Variants in ZNF804B observed in about 807,000 individuals in gnomAD.
ZNF804B encodes zinc finger protein 804B.
A neutral mutation model predicts 101.4 loss-of-function variants in ZNF804B; 80 were observed. The ratio of observed to expected loss-of-function variants is 0.79; its 90% CI spans 0.66 to 0.95. The LOEUF is 0.95. Among genes scored for constraint, ZNF804B ranks in the 40% least tolerant of loss-of-function variants. The pLI is 0.00. For missense variants in ZNF804B, 1,673 were observed against 1,561.9 expected, an observed-to-expected ratio of 1.07 and a Z score of -1.20; for synonymous variants, 622 against 558.8, an observed-to-expected ratio of 1.11 and a Z score of -1.59.
intron 2 of ZNF804B, among the ~76,000 whole-genome samples, chr7:89,267,193 A>G (rs1377661030): frequency 1.3e-5 from 2 of 152,030 alleles, no homozygotes; most frequent in Non-Finnish European, 2.9e-5. Context: ...CAAAATATGA[A>G]ATGCTTCTTT....
chr7:89,144,981 C>T (rs983430393), intron 1 of ZNF804B, among the ~76,000 whole-genome samples: 2 of 151,760 alleles, frequency 1.3e-5, no homozygotes, highest in African/African-American at 2.4e-5. Flanking sequence ...TGGTGCATTC[C>T]TGTAGTCCCA....
intron 1 of ZNF804B, among the ~76,000 whole-genome samples, chr7:88,963,090 G>A (rs1362591180): frequency 6.6e-6 from 1 of 150,682 alleles, no homozygotes; most frequent in Admixed American, 6.6e-5. Flanking sequence ...GAAGATGTTA[G>A]CACTACCCAA....
chr7:88,877,614 A>G (rs1034999808), intron 1 of ZNF804B, among the ~76,000 whole-genome samples: 5 of 152,092 alleles, frequency 3.3e-5, no homozygotes, highest in African/African-American at 1.2e-4. Context: ...CTAGTTACTT[A>G]GCTTCCCCAC....
intron 1 of ZNF804B, among the ~76,000 whole-genome samples, chr7:88,909,872 A>G (rs995725204): frequency 6.6e-5 from 10 of 151,762 alleles, no homozygotes; most frequent in Admixed American, 3.3e-4. Flanking sequence ...CTTTATGTCC[A>G]CTGCAAATTT....
At chr7:89,135,494 A>G (rs1037515314) in intron 1 of ZNF804B, among the ~76,000 whole-genome samples, 1 of 152,072 alleles carries the variant, frequency 6.6e-6, no homozygotes, top group African/African-American at 2.4e-5. Flanking sequence ...TTAAAACATT[A>G]TAATTGAGTA....
chr7:88,873,039 C>T (rs563190360), intron 1 of ZNF804B, among the ~76,000 whole-genome samples: 1 of 151,830 alleles, frequency 6.6e-6, no homozygotes, highest in East Asian at 1.9e-4. Flanking sequence ...CCTGAGGAAT[C>T]GCCACACTGA....
intron 1 of ZNF804B, among the ~76,000 whole-genome samples, chr7:88,809,325 AT>A: frequency 8.6e-6 from 1 of 116,188 alleles, no homozygotes; most frequent in Non-Finnish European, 1.8e-5. Flanking sequence ...CTATCTATCT[AT>A]CTATCTATCT....
At chr7:88,820,561 T>G (rs1400391688) in intron 1 of ZNF804B, among the ~76,000 whole-genome samples, 1 of 152,154 alleles carries the variant, frequency 6.6e-6, no homozygotes, top group Non-Finnish European at 1.5e-5. Flanking sequence ...GGCTTGCAGT[T>G]GTTAAGTCAC....
At chr7:89,199,843 G>A (rs190292542) in intron 1 of ZNF804B, among the ~76,000 whole-genome samples, 56 of 148,318 alleles carry the variant, frequency 3.8e-4, no homozygotes, top group Admixed American at 3.7e-3. Context: ...ATGTGTGTGT[G>A]TATATATAAT....
chr7:89,021,776 T>C (rs1021279553), intron 1 of ZNF804B, among the ~76,000 whole-genome samples: 2 of 152,152 alleles, frequency 1.3e-5, no homozygotes, highest in Admixed American at 1.3e-4. Flanking sequence ...GCCCCAGTGC[T>C]GGGGAGGTAA....
At chr7:88,946,873 C>T (rs1288986777) in intron 1 of ZNF804B, among the ~76,000 whole-genome samples, 1 of 151,634 alleles carries the variant, frequency 6.6e-6, no homozygotes, top group Admixed American at 6.6e-5. Context: ...GGACACTTCT[C>T]AAAAGAAGAC....
intron 1 of ZNF804B, among the ~76,000 whole-genome samples, chr7:88,799,916 A>G (rs2115707477): frequency 6.6e-6 from 1 of 152,238 alleles, no homozygotes; most frequent in South Asian, 2.1e-4. Context: ...GAGAAACAGG[A>G]TTGAAGGACA....
intron 1 of ZNF804B, among the ~76,000 whole-genome samples, chr7:88,914,932 G>A (rs1483384448): frequency 1.3e-5 from 2 of 152,052 alleles, no homozygotes; most frequent in South Asian, 2.1e-4. Context: ...AATTTAAGGC[G>A]TTTCTAATTT....
At chr7:89,227,760 AG>A (rs1468003471) in intron 2 of ZNF804B, among the ~76,000 whole-genome samples, 4 of 152,184 alleles carry the variant, frequency 2.6e-5, no homozygotes, top group African/African-American at 9.6e-5. Context: ...TTTGGGAAAT[AG>A]GGCCATTTAG....
chr7:89,010,958 A>G (rs540112530), intron 1 of ZNF804B, among the ~76,000 whole-genome samples: 4 of 152,326 alleles, frequency 2.6e-5, no homozygotes, highest in East Asian at 1.9e-4. Flanking sequence ...ATTGACTCCA[A>G]ATAAAATTAT....
chr7:89,059,126 A>C (rs1211293928), intron 1 of ZNF804B, among the ~76,000 whole-genome samples: 3 of 152,166 alleles, frequency 2.0e-5, no homozygotes, highest in East Asian at 3.9e-4. Flanking sequence ...AAATATAAAT[A>C]TCGAAATCCT....
intron 1 of ZNF804B, among the ~76,000 whole-genome samples, chr7:89,055,028 T>C (rs890060542): frequency 6.6e-6 from 1 of 152,102 alleles, no homozygotes; most frequent in Admixed American, 6.6e-5. Context: ...AAGATAGTAA[T>C]AATTACTATT....
intron 1 of ZNF804B, among the ~76,000 whole-genome samples, chr7:88,874,640 G>A (rs961344947): frequency 3.2e-4 from 49 of 152,018 alleles, no homozygotes; most frequent in African/African-American, 9.2e-4. Flanking sequence ...TTTGAGATAC[G>A]TCCCATCAAT....
At chr7:89,274,835 C>T (rs1789954053) in intron 2 of ZNF804B, among the ~76,000 whole-genome samples, 1 of 151,886 alleles carries the variant, frequency 6.6e-6, no homozygotes, top group Non-Finnish European at 1.5e-5. Context: ...TTGCTAACCA[C>T]TCTTTTTCAG....
Sources: gnomAD v4.1 joint callset for allele counts (sites outside exome capture counted in the v4.1 genomes callset) on GRCh38, gnomAD v4.1.1 for gene constraint, MANE v1.5 for transcripts, NCBI Gene and HGNC (gene_info 2026-07-23, HGNC 2026-07-21) for gene names.